Variants in EPB41L4A observed in about 807,000 individuals in gnomAD.
EPB41L4A encodes the protein band 4.1-like protein 4A.
A neutral mutation model predicts 108.6 loss-of-function variants in EPB41L4A; 100 were observed. The ratio of observed to expected loss-of-function variants is 0.92; its 90% CI spans 0.78 to 1.09. The LOEUF (loss-of-function observed/expected upper bound fraction) is 1.09. Among genes scored for constraint, EPB41L4A ranks in the 50% least tolerant of loss-of-function variants. The pLI, the probability that EPB41L4A is intolerant of heterozygous loss-of-function variation, is 0.00. For synonymous variants in EPB41L4A, 319 were observed against 289.0 expected, an observed-to-expected ratio of 1.10 and a Z score of -1.05; for missense variants, 1,030 against 842.7, an observed-to-expected ratio of 1.22 and a Z score of -2.75.
intron 22 of EPB41L4A, among the ~76,000 whole-genome samples, chr5:112,167,872 C>CTGCTG (rs1760345404): frequency 6.6e-6 from 1 of 152,090 alleles, no homozygotes; most frequent in South Asian, 2.1e-4. Context: ...ATGATAGATA[C>CTGCTG]TGCTGGTGTC....
Position 112,393,386 on chromosome 5 carries a change from C to T in EPB41L4A, c.99+25555G>A, listed in dbSNP as rs79983221. On this transcript the variant is annotated intron_variant, in intron 1 of 22. Coordinates refer to ENST00000261486, the MANE Select transcript of EPB41L4A (RefSeq NM_022140.5). ...AAAAGAGAGAAGAATCAAACAGACG[C>T]GATAAAAAATGATAAAGGGGATACC... Among the ~76,000 whole-genome samples the T allele has an allele frequency of 6.7e-4, 101 of 151,860 alleles. No homozygotes were observed. In the East Asian group the frequency reaches 0.012, roughly 17 times the overall value.
chr5:112,332,829 G>C (rs1163380669), intron 1 of EPB41L4A, among the ~76,000 whole-genome samples: 1 of 152,090 alleles, frequency 6.6e-6, no homozygotes, highest in East Asian at 1.9e-4. Context: ...TTGTAGAATT[G>C]CTTATACTTT....
chr5:112,333,209 C>T (rs1369507038), intron 1 of EPB41L4A, among the ~76,000 whole-genome samples: 2 of 152,060 alleles, frequency 1.3e-5, no homozygotes, highest in Admixed American at 6.6e-5. Flanking sequence ...GAAGCTGCAC[C>T]CTGAGCAGGT....
Position 112,156,461 on chromosome 5 carries a change from A to G in EPB41L4A, n.994+1940T>C, listed in dbSNP as rs187230749. ...AGAAGATTAACGTTCCAGCTGATAG[A>G]GTCAGGCAGACAGCAAGCGAATCCT... On this transcript the variant is annotated intron_variant and non_coding_transcript_variant, in intron 12 of 13. Coordinates refer to the EPB41L4A transcript ENST00000507810. Among the ~76,000 whole-genome samples the G allele has an allele frequency of 6.6e-5, 10 of 151,714 alleles. No individual in the cohort carries two copies. The East Asian group carries it at 1.5e-3, about 23-fold the overall frequency.
chr5:112,141,932 AACACC>A (rs1759086675), downstream of EPB41L4A, among the ~76,000 whole-genome samples: 1 of 152,150 alleles, frequency 6.6e-6, no homozygotes, highest in Admixed American at 6.5e-5. Flanking sequence ...CTCCCCCAAC[AACACC>A]GTGAGAACTA....
chr5:112,419,297 G>A (rs1762929709), upstream of EPB41L4A: 1 of 362,212 alleles, frequency 2.8e-6, no homozygotes, highest in South Asian at 3.5e-5. Flanking sequence ...GGGCGGTGGC[G>A]CGTCCCCGCG....
intron 13 of EPB41L4A, chr5:112,145,765 A>G: frequency 3.1e-6 from 1 of 320,376 alleles, no homozygotes; most frequent in Non-Finnish European, 6.1e-6. Context: ...CAACCAAATC[A>G]CTGTAAAAAG....
intron 1 of EPB41L4A, among the ~76,000 whole-genome samples, chr5:112,387,402 A>G (rs942314029): frequency 1.3e-5 from 2 of 152,120 alleles, no homozygotes; most frequent in Non-Finnish European, 2.9e-5. Context: ...CGAGGCGGGC[A>G]GATCACAGGG....
intron 1 of EPB41L4A, among the ~76,000 whole-genome samples, chr5:112,361,997 G>A (rs549039578): frequency 6.6e-6 from 1 of 152,276 alleles, no homozygotes; most frequent in East Asian, 1.9e-4. Flanking sequence ...ATTGATATAA[G>A]CTATTTTAAA....
chr5:112,285,712 T>C (rs1313494315), intron 2 of EPB41L4A, among the ~76,000 whole-genome samples: 1 of 152,200 alleles, frequency 6.6e-6, no homozygotes, highest in African/African-American at 2.4e-5. Context: ...AAAGTGTCAC[T>C]GGCCCTGGGA....
chr5:112,408,794 C>G lies in EPB41L4A; in HGVS notation c.99+10147G>C, dbSNP rs1295962190. ...AAATGCAAATGAACACAATAAGATG[C>G]TACTTCACACCCAATAGGATGATAA... On this transcript the variant is annotated intron_variant, in intron 1 of 22. Transcript: ENST00000261486. Among the ~76,000 whole-genome samples the G allele has an allele frequency of 2.7e-5, 4 of 147,024 alleles. No individual in the cohort carries two copies. In the Admixed American group the frequency reaches 2.8e-4, roughly 10 times the overall value.
At chr5:112,350,391 C>T (rs746648590) in intron 1 of EPB41L4A, among the ~76,000 whole-genome samples, 24 of 152,254 alleles carry the variant, frequency 1.6e-4, no homozygotes, top group Non-Finnish European at 2.4e-4. Context: ...GGGACATGTG[C>T]TATTTTGCAA....
intron 12 of EPB41L4A, among the ~76,000 whole-genome samples, chr5:112,217,112 T>C (rs6886195): frequency 0.52 from 79,116 of 151,560 alleles, 21,650 homozygotes; most frequent in East Asian, 0.97. Flanking sequence ...GCCCAGCTAA[T>C]TTTTGTATTT....
intron 1 of EPB41L4A, among the ~76,000 whole-genome samples, chr5:112,398,915 G>C (rs1761555751): frequency 6.8e-6 from 1 of 147,882 alleles, no homozygotes; most frequent in Non-Finnish European, 1.5e-5. Flanking sequence ...AAGAAGCTAA[G>C]GGGAGTCTAT....
intron 4 of EPB41L4A, among the ~76,000 whole-genome samples, chr5:112,269,933 C>CTTAACA (rs1752144029): frequency 6.6e-6 from 1 of 152,154 alleles, no homozygotes; most frequent in South Asian, 2.1e-4. Flanking sequence ...TCTATCTGTA[C>CTTAACA]TTAACACACT....
At chr5:112,354,456 C>T (rs534630983) in intron 1 of EPB41L4A, among the ~76,000 whole-genome samples, 1 of 152,220 alleles carries the variant, frequency 6.6e-6, no homozygotes, top group Non-Finnish European at 1.5e-5. Flanking sequence ...AGCTCTCCGG[C>T]AACACTGCAG....
chr5:112,181,355 A>G (rs1205276901), intron 18 of EPB41L4A, among the ~76,000 whole-genome samples: 2 of 151,946 alleles, frequency 1.3e-5, no homozygotes, highest in African/African-American at 2.4e-5. Context: ...GGAGGCTGAG[A>G]CAGGAGAATG....
intron 1 of EPB41L4A, among the ~76,000 whole-genome samples, chr5:112,405,405 ATAAATACTGG>A (rs879656885): frequency 2.6e-5 from 4 of 152,222 alleles, no homozygotes; most frequent in Non-Finnish European, 5.9e-5. Context: ...ATTGTTGATG[ATAAATACTGG>A]TTCTTTTAAA....
At chr5:112,390,669 T>G (rs1019230856) in intron 1 of EPB41L4A, among the ~76,000 whole-genome samples, 19 of 152,146 alleles carry the variant, frequency 1.2e-4, no homozygotes, top group African/African-American at 4.6e-4. Flanking sequence ...TAAACATACC[T>G]GTCTGACAGC....
Sources: allele counts gnomAD v4.1 joint callset (sites outside exome capture counted in the v4.1 genomes callset), GRCh38; gene constraint gnomAD v4.1.1; transcripts MANE v1.5; gene names NCBI Gene and HGNC (gene_info 2026-07-23, HGNC 2026-07-21).